The following BTBD8 variants were observed in gnomAD, a reference collection of about 807,000 sequenced individuals.
BTBD8 encodes BTB domain containing 8.
In BTBD8, 110 loss-of-function variants were observed where a neutral mutation model predicts 162.9. That is an observed-to-expected ratio of 0.68 (90% confidence interval 0.58 to 0.79). BTBD8 has a LOEUF of 0.79. Ranked by LOEUF, BTBD8 falls within the 30% of genes least tolerant of loss-of-function variation. The pLI, the probability that BTBD8 is intolerant of heterozygous loss-of-function variation, is 0.00. For missense variants in BTBD8, 1,905 were observed against 2,085.4 expected (o/e 0.91, Z 1.68); for synonymous variants, 667 against 716.1 (o/e 0.93, Z 1.10).
chr1:92,147,344 C>A, intron 8 of BTBD8, 76 bp downstream of exon 8: 2 of 1,310,956 alleles, frequency 1.5e-6, no homozygotes, highest in Non-Finnish European at 1.1e-6. Flanking sequence ...TTGTGGGGAA[C>A]TTTAGAGTTG....
chr1:92,173,136 G>C (rs547806101), intron 13 of BTBD8, among the ~76,000 whole-genome samples: 1 of 152,108 alleles, frequency 6.6e-6, no homozygotes, highest in African/African-American at 2.4e-5. Flanking sequence ...TGTTGTTCAG[G>C]CTGGTCTCGA....
At chr1:92,154,529 T>A (rs944119171) in intron 9 of BTBD8, among the ~76,000 whole-genome samples, 3 of 152,208 alleles carry the variant, frequency 2.0e-5, no homozygotes, top group African/African-American at 7.2e-5. Context: ...ATTTCCCTGA[T>A]GATTAATGAC....
intron 4 of BTBD8, among the ~76,000 whole-genome samples, chr1:92,118,226 G>A (rs963779835): frequency 3.4e-5 from 5 of 148,524 alleles, no homozygotes; most frequent in Admixed American, 3.4e-4. Context: ...CTCACATTAT[G>A]CTTAGTTGTC....
In BTBD8 at chr1:92,129,731, G is replaced by A; in HGVS notation, c.707G>A (p.Ser236Asn). 1 of 1,614,122 alleles carries A rather than the reference G, an allele frequency of 6.2e-7. No individual in the cohort carries two copies. Among genetic ancestry groups the A allele is most frequent in the Non-Finnish European group, 8.5e-7 (1 of 1,180,010 alleles). The change falls in exon 5 of 18, where the codon AGT becomes AAT. Residue 236 changes from serine to asparagine, a missense_variant. By Grantham distance (46) the Ser-to-Asn change is conservative. Around this residue, in one of 3 missense-constraint regions of BTBD8, gnomAD observed 1,374 missense variants for 1,442.7 expected, o/e 0.95. Transcript: ENST00000636805. ...TCTAGTTATTTTGCTGCAATGCTGA[G>A]TGGCTGTTGGGCTGAAAGCTCCCAA... ...ARSSYFAAML[S>N]GCWAESSQEY... is the part of the protein sequence containing the mutation.
chr1:92,148,862 A>G (rs1161452610), intron 9 of BTBD8, among the ~76,000 whole-genome samples: 1 of 152,230 alleles, frequency 6.6e-6, no homozygotes, highest in Admixed American at 6.5e-5. Flanking sequence ...GAGCCTATCA[A>G]GAGGAAATTG....
chr1:92,081,865 C>T (rs1648028226), intron 1 of BTBD8, among the ~76,000 whole-genome samples: 1 of 152,180 alleles, frequency 6.6e-6, no homozygotes, highest in Middle Eastern at 3.2e-3. Flanking sequence ...TGAGCCACTG[C>T]GCCCAGCCAG....
At chr1:92,165,810 A>G (rs559858248) in intron 9 of BTBD8, among the ~76,000 whole-genome samples, 26 of 152,298 alleles carry the variant, frequency 1.7e-4, no homozygotes, top group African/African-American at 5.3e-4. Flanking sequence ...CTTGAGGCCT[A>G]GGCTCTAGAA....
intron 3 of BTBD8, among the ~76,000 whole-genome samples, chr1:92,104,100 A>T (rs1403326160): frequency 6.6e-6 from 1 of 152,224 alleles, no homozygotes; most frequent in Non-Finnish European, 1.5e-5. Flanking sequence ...TGAATTTTGC[A>T]CCTAAGCAAA....
At chr1:92,108,114 G>A (rs1483353282) in intron 4 of BTBD8, 113 bp downstream of exon 4, 16 of 981,282 alleles carry the variant, frequency 1.6e-5, no homozygotes, top group Non-Finnish European at 2.2e-5. Flanking sequence ...CAGGCCACAG[G>A]GGTTCCATGA....
intron 4 of BTBD8, among the ~76,000 whole-genome samples, chr1:92,118,069 C>T (rs548594155): frequency 6.6e-6 from 1 of 152,072 alleles, no homozygotes; most frequent in Admixed American, 6.5e-5. Context: ...ACCCCCACAC[C>T]TAGTTCCTCA....
At chr1:92,183,815 G>A (rs1650996461) in intron 17 of BTBD8, 49 bp from the exon 18 acceptor site, 11 of 1,278,594 alleles carry the variant, frequency 8.6e-6, no homozygotes, top group East Asian at 2.6e-5. Flanking sequence ...AAACTCTGAG[G>A]GTACCAACGT....
At chr1:92,141,083 G>A in intron 6 of BTBD8, 32 bp from the exon 7 acceptor site, 1 of 1,494,878 alleles carries the variant, frequency 6.7e-7, no homozygotes. Context: ...TTTTAAATTG[G>A]AGAATTAACA....
intron 2 of BTBD8, 106 bp from the exon 3 acceptor site, chr1:92,102,367 A>G: frequency 3.1e-6 from 3 of 957,512 alleles, no homozygotes; most frequent in Non-Finnish European, 4.2e-6. Flanking sequence ...CCAAATTAAG[A>G]AGGTTTAATA....
intron 9 of BTBD8, chr1:92,150,782 G>A (rs189633434): frequency 9.2e-5 from 14 of 152,306 alleles, no homozygotes; most frequent in African/African-American, 3.4e-4. Context: ...GAGGAAACTG[G>A]AGTGTCCAGA....
chr1:92,169,808 G>GT (rs1650486509), intron 12 of BTBD8, among the ~76,000 whole-genome samples: 1 of 152,074 alleles, frequency 6.6e-6, no homozygotes, highest in Admixed American at 6.6e-5. Flanking sequence ...TTCTTTAGTG[G>GT]TATCATCAGA....
intron 4 of BTBD8, chr1:92,115,647 A>G (rs895192536): frequency 7.8e-6 from 3 of 384,564 alleles, no homozygotes; most frequent in South Asian, 6.9e-5. Context: ...GAACTTGGCC[A>G]TGGGTGGAAT....
Position 92,184,120 on chromosome 1 carries a change from T to TTTAGCACAGTATCTAA in BTBD8, c.5171_5186dup (p.Asn1730SerfsTer15), listed in dbSNP as rs2100698026. On this transcript the variant is annotated frameshift_variant, in exon 18 of 18. Coordinates refer to ENST00000636805, the MANE Select transcript of BTBD8 (RefSeq NM_001376131.1). LOFTEE classifies it high-confidence loss of function. Reference sequence around the variant, plus strand: ...CAAATTCCGTTCCTGAAGACTTAAGTTTAGCACAGTATCTAATCAATCAGA... The same window carrying TTTAGCACAGTATCTAA: ...CAAATTCCGTTCCTGAAGACTTAAGTTTAGCACAGTATCTAATTAGCACAGTATCTAATCAATCAGA... 6.4e-7 allele frequency: 1 copy of TTTAGCACAGTATCTAA among 1,551,650 alleles called. No homozygotes were observed. The highest frequency in any genetic ancestry group is 2.4e-5 in the East Asian group (1 of 40,914).
intron 5 of BTBD8, among the ~76,000 whole-genome samples, chr1:92,135,453 C>A (rs1053894361): frequency 6.6e-6 from 1 of 152,196 alleles, no homozygotes; most frequent in East Asian, 1.9e-4. Flanking sequence ...GATCTTAGAT[C>A]TTTGTCCTAA....
At chr1:92,115,588 G>T (rs541906429) in intron 4 of BTBD8, 2 of 385,818 alleles carry the variant, frequency 5.2e-6, no homozygotes, top group Admixed American at 5.7e-5. Flanking sequence ...ATGGTGATGG[G>T]ATTTCCATTG....
Sources: gnomAD v4.1 joint callset for allele counts (sites outside exome capture counted in the v4.1 genomes callset) on GRCh38, gnomAD v4.1.1 for gene constraint, gnomAD v4.1.1 regional missense constraint, MANE v1.5 for transcripts, NCBI Gene and HGNC (gene_info 2026-07-23, HGNC 2026-07-21) for gene names.